Variants in GRIA4 observed in about 807,000 individuals in gnomAD.
GRIA4 encodes glutamate ionotropic receptor AMPA type subunit 4, also known as glutamate receptor 4.
In GRIA4, 34 loss-of-function variants were observed where a neutral mutation model predicts 104.0. The observed-to-expected ratio is 0.33, with a 90% CI of 0.25 to 0.44. The LOEUF is 0.44. Ranked by LOEUF, GRIA4 falls within the 20% of genes least tolerant of loss-of-function variation. GRIA4 has a pLI of 1.00. For missense variants in GRIA4, 750 were observed against 1,096.5 expected, an observed-to-expected ratio of 0.68 and a Z score of 4.46; for synonymous variants, 386 against 381.9, an observed-to-expected ratio of 1.01 and a Z score of -0.13.
intron 3 of GRIA4, among the ~76,000 whole-genome samples, chr11:105,742,290 C>T (rs1305260884): frequency 6.6e-6 from 1 of 152,112 alleles, no homozygotes; most frequent in African/African-American, 2.4e-5. Context: ...AACTATAGAG[C>T]TTTAAACCCC....
intron 3 of GRIA4, among the ~76,000 whole-genome samples, chr11:105,680,758 GA>G (rs1361280562): frequency 6.6e-6 from 1 of 152,128 alleles, no homozygotes; most frequent in African/African-American, 2.4e-5. Context: ...TTTCTGGCAG[GA>G]AGTATTGTTT....
intron 3 of GRIA4, among the ~76,000 whole-genome samples, chr11:105,750,870 A>G (rs1217503630): frequency 6.6e-6 from 1 of 152,134 alleles, no homozygotes; most frequent in Non-Finnish European, 1.5e-5. Flanking sequence ...TGCCCACCCA[A>G]TGCTATCTCA....
intron 4 of GRIA4, among the ~76,000 whole-genome samples, chr11:105,778,794 T>A (rs922296340): frequency 8.6e-6 from 1 of 116,812 alleles, no homozygotes; most frequent in Non-Finnish European, 1.9e-5. Context: ...GATCTTTTTT[T>A]ATTATTATAC....
chr11:105,736,161 CAA>C (rs1938930188), intron 3 of GRIA4, among the ~76,000 whole-genome samples: 2 of 152,120 alleles, frequency 1.3e-5, no homozygotes, highest in African/African-American at 4.8e-5. Context: ...TCCCTCTTGG[CAA>C]CAATCATTTT....
At chr11:105,754,775 A>C (rs1212417503) in intron 4 of GRIA4, among the ~76,000 whole-genome samples, 1 of 152,200 alleles carries the variant, frequency 6.6e-6, no homozygotes, top group Non-Finnish European at 1.5e-5. Context: ...ATTGTTTTAC[A>C]TAATCCTAAC....
At chr11:105,665,837 A>T (rs954733396) in intron 3 of GRIA4, among the ~76,000 whole-genome samples, 1 of 152,062 alleles carries the variant, frequency 6.6e-6, no homozygotes, top group Non-Finnish European at 1.5e-5. Flanking sequence ...TTTAATGCTC[A>T]TAAAACATTT....
chr11:105,706,438 A>G, intron 3 of GRIA4: 1 of 152,560 alleles, frequency 6.6e-6, no homozygotes. Context: ...TAGATTTTGT[A>G]GCTGTTACTA....
Position 105,979,862 on chromosome 11 carries a change from C to A in GRIA4, c.*123C>A, listed in dbSNP as rs752302599. The A allele has an allele frequency of 3.1e-6, 2 of 648,712 alleles. No homozygotes were observed. The highest frequency in any genetic ancestry group is 1.8e-5 in the African/African-American group (1 of 55,208). The allele number at this position is 648,712 out of a possible 1,614,324, so 40.2% of individuals were successfully genotyped here. A position where few individuals can be genotyped will look rare whatever the true frequency, so the allele number is the denominator to read the frequency against. On this transcript the variant is annotated 3_prime_UTR_variant, in exon 17 of 17. Transcript: ENST00000282499. ...ATCCTTTGGCTGAGAGCGGGAAGTC[C>A]GTCCTAACGCGCTGGCCGGACATCA... is the stretch of plus-strand genomic sequence containing the variant.
At position 105,805,478 on chromosome 11, in the gene GRIA4, G is replaced by GAAAAAAA. The variant is rs57123559; in HGVS notation, c.487+52270_487+52276dup. On this transcript the variant is annotated intron_variant, in intron 4 of 16. Transcript: ENST00000282499. Reference sequence around the variant, plus strand: ...GACCAAGTGGAGAGCAAGAAATCAGGAAAAAAAAAAAAAAAAAACAAGCCA... The same window carrying GAAAAAAA: ...GACCAAGTGGAGAGCAAGAAATCAGGAAAAAAAAAAAAAAAAAAAAAAAAACAAGCCA... 5.1e-3 allele frequency among the ~76,000 whole-genome samples: 472 copies of GAAAAAAA among 92,390 alleles called. 9 individuals are homozygous for GAAAAAAA. Among genetic ancestry groups the GAAAAAAA allele is most frequent in the African/African-American group, 0.02 (453 of 22,132 alleles). 60.6% of individuals were successfully genotyped at this position (92,390 alleles called of 152,430 possible). A position where few individuals can be genotyped will look rare whatever the true frequency, so the allele number is the denominator to read the frequency against.
chr11:105,974,947 T>C, intron 16 of GRIA4: 1 of 173,810 alleles, frequency 5.8e-6, no homozygotes, highest in Non-Finnish European at 1.3e-5. Context: ...CTGTTCCAAG[T>C]GATCAAAACC....
At position 105,737,570 on chromosome 11, in the gene GRIA4, G is replaced by A. The variant is rs1939033236; in HGVS notation, c.248-15411G>A. 2.0e-5 allele frequency among the ~76,000 whole-genome samples: 3 copies of A among 152,062 alleles called. No individual in the cohort carries two copies. The South Asian group carries it at 6.2e-4, about 32-fold the overall frequency. On this transcript the variant is annotated intron_variant, in intron 3 of 16. Coordinates refer to ENST00000282499, the MANE Select transcript of GRIA4 (RefSeq NM_000829.4). ...TGTGTTTGTCCTTTTTAAATTGACAGCAAAAACTCAGTTTGCTTTAAGAAG... is the reference window on the plus strand; with the variant it reads ...TGTGTTTGTCCTTTTTAAATTGACAACAAAAACTCAGTTTGCTTTAAGAAG...
At chr11:105,735,428 G>C (rs1274789376) in intron 3 of GRIA4, among the ~76,000 whole-genome samples, 3 of 152,054 alleles carry the variant, frequency 2.0e-5, no homozygotes, top group African/African-American at 4.8e-5. Flanking sequence ...ATCCACAGAA[G>C]TGTTCATCCT....
At chr11:105,859,562 T>A (rs1945141893) in intron 4 of GRIA4, among the ~76,000 whole-genome samples, 2 of 152,172 alleles carry the variant, frequency 1.3e-5, no homozygotes, top group South Asian at 4.1e-4. Context: ...TCTGTAAAAG[T>A]CATGTCAGCA....
intron 4 of GRIA4, among the ~76,000 whole-genome samples, chr11:105,818,657 C>A (rs1057362351): frequency 2.6e-5 from 4 of 152,118 alleles, no homozygotes; most frequent in Admixed American, 2.6e-4. Flanking sequence ...ATGACAAATA[C>A]AACTTTCACA....
chr11:105,685,145 GGGAAGGAGGGA>G (rs1952835721), intron 3 of GRIA4, among the ~76,000 whole-genome samples: 1 of 139,116 alleles, frequency 7.2e-6, no homozygotes, highest in African/African-American at 2.6e-5. Flanking sequence ...GAGGGAGGGA[GGGAAGGAGGGA>G]GGAAGGAAGG....
At chr11:105,722,464 G>T (rs1417564474) in intron 3 of GRIA4, among the ~76,000 whole-genome samples, 1 of 152,078 alleles carries the variant, frequency 6.6e-6, no homozygotes, top group Non-Finnish European at 1.5e-5. Flanking sequence ...ATTGTAAGTA[G>T]AGAAGCATCT....
chr11:105,837,546 T>C (rs1207231748), intron 4 of GRIA4, among the ~76,000 whole-genome samples: 4 of 151,978 alleles, frequency 2.6e-5, no homozygotes, highest in Admixed American at 2.6e-4. Context: ...ATTTTCTCAG[T>C]GAAGTGGAAC....
chr11:105,624,858 T>C lies in GRIA4; in HGVS notation c.247+12424T>C, dbSNP rs1358250209. Among the ~76,000 whole-genome samples, 3 of 152,080 alleles carry C rather than the reference T, an allele frequency of 2.0e-5. No individual in the cohort carries two copies. The East Asian group carries it at 5.8e-4, about 29-fold the overall frequency. ...TAACATTACTCCTCATTTTAAACAA[T>C]TTTCATTGGTTTTACATCTTTGATT... On this transcript the variant is annotated intron_variant, in intron 3 of 16. Coordinates refer to ENST00000282499, the MANE Select transcript of GRIA4 (RefSeq NM_000829.4).
intron 3 of GRIA4, among the ~76,000 whole-genome samples, chr11:105,675,809 G>A (rs1333708198): frequency 1.3e-5 from 2 of 151,682 alleles, no homozygotes; most frequent in African/African-American, 4.8e-5. Context: ...ACAAATATGG[G>A]AATCTCTTAA....
Sources: gnomAD v4.1 joint callset for allele counts (sites outside exome capture counted in the v4.1 genomes callset) on GRCh38, gnomAD v4.1.1 for gene constraint, MANE v1.5 for transcripts, NCBI Gene and HGNC (gene_info 2026-07-23, HGNC 2026-07-21) for gene names.